DNAH9: variants seen among roughly 807,000 people sequenced by gnomAD.
DNAH9 encodes the protein dynein axonemal heavy chain 9.
DNAH9 carries 345 observed loss-of-function variants against 471.6 expected under a neutral mutation model. The ratio of observed to expected loss-of-function variants is 0.73; its 90% CI spans 0.67 to 0.80. The LOEUF is 0.80. DNAH9 is among the 30% of genes least tolerant of loss of function. DNAH9 has a pLI of 0.00. For missense variants in DNAH9, 5,407 were observed against 5,609.2 expected (o/e 0.96, Z 1.15); for synonymous variants, 2,093 against 2,123.6 (o/e 0.99, Z 0.40).
intron 22 of DNAH9, among the ~76,000 whole-genome samples, chr17:11,698,215 T>TTAA (rs2074519866): frequency 3.1e-5 from 1 of 32,728 alleles, no homozygotes; most frequent in Non-Finnish European, 9.3e-5. Context: ...AATAATATAA[T>TTAA]TATATTAATA....
At chr17:11,759,053 G>T (rs1433189764) in intron 35 of DNAH9, among the ~76,000 whole-genome samples, 1 of 151,020 alleles carries the variant, frequency 6.6e-6, no homozygotes, top group Non-Finnish European at 1.5e-5. Context: ...ACCAGAGAAG[G>T]GTAAGGTTTT....
Position 11,894,450 on chromosome 17 carries a change from C to T in DNAH9, c.11360C>T (p.Ala3787Val). The T allele has an allele frequency of 1.2e-6, 2 of 1,614,168 alleles. No individual in the cohort carries two copies. Among genetic ancestry groups the T allele is most frequent in the Non-Finnish European group, 1.7e-6 (2 of 1,180,014 alleles). The change falls in exon 59 of 69, where the codon GCC becomes GTC. Residue 3787 changes from alanine (A) to valine (V), a missense_variant. Ala to Val is a moderately conservative substitution (Grantham distance 64). Around this residue, in one of 3 missense-constraint regions of DNAH9, gnomAD observed 4,636 missense variants for 4,900.3 expected, o/e 0.95. Coordinates refer to ENST00000262442, the MANE Select transcript of DNAH9 (RefSeq NM_001372.4). ...LLRSPVQTGT[A>V]SPVEFLSHQA... ...CGATCTCCAGTGCAGACGGGCACCG[C>T]CAGCCCCGTGGAGTTCCTCTCCCAT... is the stretch of plus-strand genomic sequence containing the variant.
intron 46 of DNAH9, 70 bp downstream of exon 46, chr17:11,822,132 C>A (rs562960974): frequency 6.5e-7 from 1 of 1,528,658 alleles, no homozygotes; most frequent in Non-Finnish European, 8.8e-7. Flanking sequence ...ACTGATATTT[C>A]GGGCACAACT....
rs2074560068 is a variant in DNAH9, at chr17:11,699,857, A to G, written c.4999A>G (p.Ser1667Gly). ...YSKEEEYVAF[S>G]EPCDCSGQVE... ...CAAAGAAGAGGAGTATGTGGCTTTCAGTGAGCCCTGTGACTGCAGCGGGCA... is the reference window on the plus strand; with the variant it reads ...CAAAGAAGAGGAGTATGTGGCTTTCGGTGAGCCCTGTGACTGCAGCGGGCA... Residue 1667 changes from serine to glycine, a missense_variant, in exon 23 of 69, where the codon AGT becomes GGT. Ser to Gly is a moderately conservative substitution (Grantham distance 56). Transcript: ENST00000262442. The G allele has an allele frequency of 1.2e-6, 2 of 1,614,080 alleles. No individual in the cohort carries two copies. The highest frequency in any genetic ancestry group is 2.7e-5 in the African/African-American group (2 of 74,924).
At chr17:11,827,261 A>C (rs1970530422) in intron 48 of DNAH9, among the ~76,000 whole-genome samples, 1 of 152,120 alleles carries the variant, frequency 6.6e-6, no homozygotes, top group Admixed American at 6.5e-5. Flanking sequence ...GCTATAAAAT[A>C]CCCGAGGCTG....
At position 11,872,379 on chromosome 17, in the gene DNAH9, CT is replaced by C. The variant is rs376602673; in HGVS notation, c.10242+594del. Among the ~76,000 whole-genome samples the C allele has an allele frequency of 1.2e-4, 16 of 132,380 alleles. No individual in the cohort carries two copies. In the East Asian group the frequency reaches 1.8e-3, roughly 15 times the overall value. 86.8% of individuals were successfully genotyped at this position (132,380 alleles called of 152,430 possible). On this transcript the variant is annotated intron_variant, in intron 52 of 68. Transcript: ENST00000262442. ...CTTTACATCACCCGCCCCCCACCCCCTGCAATGTAACTAAATGGAGAAATAC... is the reference window on the plus strand; with the variant it reads ...CTTTACATCACCCGCCCCCCACCCCCGCAATGTAACTAAATGGAGAAATAC...
chr17:11,781,706 C>A (rs1021366874), intron 39 of DNAH9, among the ~76,000 whole-genome samples: 2 of 152,014 alleles, frequency 1.3e-5, no homozygotes, highest in Non-Finnish European at 2.9e-5. Flanking sequence ...ATGGCAGGCG[C>A]CTGTAGTCCC....
In DNAH9 at chr17:11,933,899, G is replaced by A. The variant is rs200059274; in HGVS notation, c.12317G>A (p.Arg4106His). ...ACTCAGGTCCCCTATGATGATTTGC[G>A]CTACCTGTTTGGAGAGATCATGTAT... The part of the protein sequence containing the change: ...ANAKVPYDDL[R>H]YLFGEIMYGG... The change falls in exon 65 of 69, where the codon CGC becomes CAC. Residue 4106 changes from arginine to histidine, a missense_variant. Transcript: ENST00000262442. 3.7e-5 allele frequency: 60 copies of A among 1,612,586 alleles called. No homozygotes were observed. In the Middle Eastern group the frequency reaches 5.0e-4, roughly 13 times the overall value.
Position 11,680,787 on chromosome 17 carries a change from C to T in DNAH9, c.3641C>T (p.Pro1214Leu). The change falls in exon 19 of 69, where the codon CCA becomes CTA. Residue 1214 changes from proline (P) to leucine (L), a missense_variant. Pro to Leu is a moderately conservative substitution (Grantham distance 98, BLOSUM62 -3). This residue lies in a region of DNAH9 where 4,636 missense variants were observed against 4,900.3 expected (regional missense o/e 0.95). Coordinates refer to ENST00000262442, the MANE Select transcript of DNAH9 (RefSeq NM_001372.4). ...VAITVKQQVAPLQANEVTLLR... is the reference protein window; with the variant it reads ...VAITVKQQVALLQANEVTLLR... ...ATTACTGTGAAGCAGCAGGTGGCCC[C>T]ACTGCAGGCAAATGAAGTGACACTC... 1 of 1,613,858 alleles carries T rather than the reference C, an allele frequency of 6.2e-7. No individual in the cohort carries two copies. Among genetic ancestry groups the T allele is most frequent in the Non-Finnish European group, 8.5e-7 (1 of 1,179,842 alleles).
chr17:11,689,280 T>C (rs1485947565), intron 19 of DNAH9, among the ~76,000 whole-genome samples: 1 of 151,634 alleles, frequency 6.6e-6, no homozygotes, highest in Non-Finnish European at 1.5e-5. Flanking sequence ...TATTCCCTTC[T>C]AGACCTGAGT....
chr17:11,752,834 ATTG>A lies in DNAH9; in HGVS notation c.6615_6617del (p.Leu2205del). ...TAAGGTGTCAGTGGTTCCTTTTAGGATTGTTCTCTTCCATCATGCGGGAGCTTG... is the reference window on the plus strand; with the variant it reads ...TAAGGTGTCAGTGGTTCCTTTTAGGATTCTCTTCCATCATGCGGGAGCTTG... On this transcript the variant is annotated inframe_deletion and splice_region_variant, in exon 33 of 69. Coordinates refer to ENST00000262442, the MANE Select transcript of DNAH9 (RefSeq NM_001372.4). The A allele has an allele frequency of 6.3e-7, 1 of 1,579,296 alleles. No individual in the cohort carries two copies. Among genetic ancestry groups the A allele is most frequent in the Non-Finnish European group, 8.6e-7 (1 of 1,166,026 alleles).
rs552359855 is a variant in DNAH9, at chr17:11,875,615, TCTC to T, written c.10478+437_10478+439del. ...TAGAGCCACATACAAAGAACAAAAC[TCTC>T]CTCCTGAGGCACAGTTGAACATTTC... On this transcript the variant is annotated intron_variant, in intron 53 of 68. Coordinates refer to ENST00000262442, the MANE Select transcript of DNAH9 (RefSeq NM_001372.4). 6.0e-3 allele frequency: 951 copies of T among 157,844 alleles called. 4 individuals are homozygous for T. The highest frequency in any genetic ancestry group is 0.021 in the African/African-American group (854 of 41,598). The allele number at this position is 157,844 out of a possible 1,614,324, so 9.8% of individuals were successfully genotyped here.
At chr17:11,604,712 C>A (rs915822017) in intron 1 of DNAH9, among the ~76,000 whole-genome samples, 1 of 151,794 alleles carries the variant, frequency 6.6e-6, no homozygotes, top group African/African-American at 2.4e-5. Flanking sequence ...TTTTCTCTTG[C>A]GACTCCTAAA....
At chr17:11,607,225 A>G (rs1336679243) in intron 1 of DNAH9, among the ~76,000 whole-genome samples, 1 of 152,030 alleles carries the variant, frequency 6.6e-6, no homozygotes, top group Non-Finnish European at 1.5e-5. Flanking sequence ...TGAGGGAGGG[A>G]TTCCTGCCTG....
In DNAH9 at chr17:11,797,752, A is replaced by G. The variant is rs1230177875; in HGVS notation, c.8379A>G (p.Thr2793=). Residue 2793 remains threonine, a synonymous_variant, in exon 43 of 69, where the codon ACA becomes ACG. Transcript: ENST00000262442. ...TGGAGAACCACAATGAAGTCAACAC[A>G]GTGATGGACCTAGTTCTCTTTGAGG... ...EALENHNEVN[T]VMDLVLFEDA... 1.9e-6 allele frequency: 3 copies of G among 1,614,076 alleles called. No individual in the cohort carries two copies. In the African/African-American group the frequency reaches 4.0e-5, roughly 22 times the overall value.
chr17:11,890,053 C>G (rs1227232975), intron 57 of DNAH9, among the ~76,000 whole-genome samples: 1 of 152,126 alleles, frequency 6.6e-6, no homozygotes, highest in Non-Finnish European at 1.5e-5. Flanking sequence ...CTAAATGTAC[C>G]TAGGTTTTTA....
At chr17:11,751,903 CATAAA>C (rs1162350230) in intron 32 of DNAH9, among the ~76,000 whole-genome samples, 1 of 151,980 alleles carries the variant, frequency 6.6e-6, no homozygotes, top group Non-Finnish European at 1.5e-5. Context: ...GGCAACTGAA[CATAAA>C]ATAAATACAC....
chr17:11,670,004 C>T (rs920701782), intron 17 of DNAH9, among the ~76,000 whole-genome samples: 51 of 152,162 alleles, frequency 3.4e-4, no homozygotes, highest in African/African-American at 1.2e-3. Flanking sequence ...GTTTTGTTTT[C>T]TGTTTCATGT....
At chr17:11,910,783 C>G (rs1429777039) in intron 61 of DNAH9, among the ~76,000 whole-genome samples, 2 of 152,176 alleles carry the variant, frequency 1.3e-5, no homozygotes, top group African/African-American at 2.4e-5. Flanking sequence ...TTTGGATTTG[C>G]ATTTCCCAAA....
Sources: allele counts gnomAD v4.1 joint callset (sites outside exome capture counted in the v4.1 genomes callset), GRCh38; gene constraint gnomAD v4.1.1; regional missense constraint gnomAD v4.1.1; transcripts MANE v1.5; gene names NCBI Gene and HGNC (gene_info 2026-07-23, HGNC 2026-07-21).